ADGRA1: variants seen among roughly 807,000 people sequenced by gnomAD.
ADGRA1 encodes the protein G-protein coupled receptor 123.
In ADGRA1, 12 loss-of-function variants were observed where a neutral mutation model predicts 21.3. The ratio of observed to expected loss-of-function variants is 0.56; its 90% CI spans 0.36 to 0.91. ADGRA1 has a LOEUF of 0.91. Among genes scored for constraint, ADGRA1 ranks in the 40% least tolerant of loss-of-function variants. ADGRA1 has a pLI of 0.01. For synonymous variants in ADGRA1, 385 were observed against 368.8 expected (o/e 1.04, Z -0.50); for missense variants, 790 against 805.6 (o/e 0.98, Z 0.23).
At chr10:133,118,883 C>T (rs1564852296) in intron 5 of ADGRA1, among the ~76,000 whole-genome samples, 2 of 151,668 alleles carry the variant, frequency 1.3e-5, no homozygotes, top group Non-Finnish European at 2.9e-5. Context: ...CACATGCACT[C>T]ATACACTTAC....
chr10:133,112,752 G>A (rs1442475333), intron 5 of ADGRA1, among the ~76,000 whole-genome samples: 11 of 140,230 alleles, frequency 7.8e-5, no homozygotes, highest in Admixed American at 2.8e-4. Flanking sequence ...TGCGGGCCGC[G>A]TCGGTTATTT....
chr10:133,127,929 C>T (rs1428344778), intron 6 of ADGRA1, among the ~76,000 whole-genome samples: 7 of 118,422 alleles, frequency 5.9e-5, no homozygotes, highest in South Asian at 3.3e-4. Flanking sequence ...CCACCCTCTG[C>T]CTGGCCCCTC....
chr10:133,127,572 C>T (rs553019493), intron 6 of ADGRA1, among the ~76,000 whole-genome samples: 2 of 152,240 alleles, frequency 1.3e-5, no homozygotes, highest in South Asian at 4.1e-4. Flanking sequence ...CCTGGTTTGC[C>T]TTCTATGGGA....
intron 5 of ADGRA1, among the ~76,000 whole-genome samples, chr10:133,125,701 T>A (rs1315070472): frequency 6.6e-6 from 1 of 152,194 alleles, no homozygotes; most frequent in Non-Finnish European, 1.5e-5. Flanking sequence ...AGAGCAGGGA[T>A]TACAGGCGTG....
intron 2 of ADGRA1, chr10:133,089,130 C>A (rs545817821): frequency 1.2e-6 from 1 of 815,344 alleles, no homozygotes; most frequent in Non-Finnish European, 1.6e-6. Flanking sequence ...GGGTGCTGAT[C>A]ATACTAATGA....
intron 5 of ADGRA1, among the ~76,000 whole-genome samples, chr10:133,104,746 G>C (rs569699146): frequency 6.6e-6 from 1 of 151,894 alleles, no homozygotes; most frequent in Non-Finnish European, 1.5e-5. Context: ...CCGCCCCCCC[G>C]GTGTCTGGCC....
rs1233119282 is a variant in ADGRA1, at chr10:133,127,866, G to T, written c.501-463G>T. Among the ~76,000 whole-genome samples the T allele has an allele frequency of 6.8e-4, 76 of 111,154 alleles. 1 individual carries two copies. Among genetic ancestry groups the T allele is most frequent in the African/African-American group, 2.5e-3 (66 of 26,568 alleles). 72.9% of individuals were successfully genotyped at this position (111,154 alleles called of 152,430 possible). ...ACCTCCGCCTGGCCCCGCCCACCCA[G>T]CTCCACCTCCGCCTGGCCCCGCCCA... On this transcript the variant is annotated intron_variant, in intron 6 of 6. Transcript: ENST00000392607.
In ADGRA1 at chr10:133,113,307, G is replaced by T. The variant is rs189760258; in HGVS notation, c.401+10465G>T. Among the ~76,000 whole-genome samples, 261 of 152,334 alleles carry T rather than the reference G, an allele frequency of 1.7e-3. 5 individuals are homozygous for T. The highest frequency in any genetic ancestry group is 0.016 in the Admixed American group (242 of 15,290). ...TTCGGTTTGGAAGTCCAATGGCACC[G>T]CGGCACTTAGATTCCGTGTCACGGC... On this transcript the variant is annotated intron_variant, in intron 5 of 6. Coordinates refer to ENST00000392607, the MANE Select transcript of ADGRA1 (RefSeq NM_001083909.3).
chr10:133,130,054 C>A lies in ADGRA1; in HGVS notation c.*543C>A. The A allele has an allele frequency of 6.4e-6, 1 of 156,662 alleles. No individual in the cohort carries two copies. The allele number at this position is 156,662 out of a possible 1,614,324, so 9.7% of individuals were successfully genotyped here. ...GTGGCGGCGGCAGGTCTGTCCCCAG[C>A]ATTCTCGCTCTGGGCAGAACCCTCG... On this transcript the variant is annotated 3_prime_UTR_variant, in exon 7 of 7. Coordinates refer to ENST00000392607, the MANE Select transcript of ADGRA1 (RefSeq NM_001083909.3).
At chr10:133,095,610 A>C in intron 2 of ADGRA1, 2 of 1,562,886 alleles carry the variant, frequency 1.3e-6, no homozygotes, top group South Asian at 1.2e-5. Flanking sequence ...CAGGGGCCCT[A>C]TTTCGGGCTT....
chr10:133,091,673 C>G (rs577554720), intron 2 of ADGRA1, among the ~76,000 whole-genome samples: 2 of 152,320 alleles, frequency 1.3e-5, no homozygotes, highest in African/African-American at 2.4e-5. Context: ...TTTGCTGCAC[C>G]CTGCATGTTC....
chr10:133,108,785 C>A (rs958705057), intron 5 of ADGRA1, among the ~76,000 whole-genome samples: 1 of 152,052 alleles, frequency 6.6e-6, no homozygotes, highest in Admixed American at 6.5e-5. Context: ...TGCATGTGGC[C>A]CCAGCTCCAC....
Position 133,128,933 on chromosome 10 carries a change from G to T in ADGRA1, c.1105G>T (p.Ala369Ser), listed in dbSNP as rs574906696. The T allele has an allele frequency of 1.5e-5, 24 of 1,553,002 alleles. No homozygotes were observed. The East Asian group carries it at 5.6e-4, about 36-fold the overall frequency. The change falls in exon 7 of 7, where the codon GCC becomes TCC. Residue 369 changes from alanine (A) to serine (S), a missense_variant. This residue lies in a region of ADGRA1 where 391 missense variants were observed against 351.5 expected (regional missense o/e 1.11). Transcript: ENST00000392607. ...PGPCKMTNLQ[A>S]AQGHASCLSP... is the part of the protein sequence containing the mutation. ...CCCCTGCAAGATGACCAACCTGCAG[G>T]CCGCGCAGGGCCACGCCAGTTGCCT...
intron 5 of ADGRA1, among the ~76,000 whole-genome samples, chr10:133,104,018 T>C (rs1298434753): frequency 6.6e-6 from 1 of 152,202 alleles, no homozygotes; most frequent in Non-Finnish European, 1.5e-5. Context: ...TCCGGTTGCA[T>C]GGGAGACGTG....
intron 5 of ADGRA1, among the ~76,000 whole-genome samples, chr10:133,112,034 T>TCCCTCCA (rs1564849827): frequency 1.5e-5 from 2 of 131,374 alleles, no homozygotes; most frequent in Non-Finnish European, 3.3e-5. Context: ...TCCCTCCTAA[T>TCCCTCCA]GCCTCCAGAC....
At chr10:133,124,326 A>T (rs1308203121) in intron 5 of ADGRA1, among the ~76,000 whole-genome samples, 1 of 152,080 alleles carries the variant, frequency 6.6e-6, no homozygotes, top group African/African-American at 2.4e-5. Context: ...GCCGTGAGTC[A>T]GCTCCCGCTT....
At chr10:133,122,514 G>C (rs887455564) in intron 5 of ADGRA1, among the ~76,000 whole-genome samples, 3 of 152,224 alleles carry the variant, frequency 2.0e-5, no homozygotes, top group African/African-American at 7.2e-5. Context: ...AGCTCCACCT[G>C]CACCACAGGC....
chr10:133,101,070 A>G (rs755164350), intron 4 of ADGRA1, among the ~76,000 whole-genome samples: 3 of 152,240 alleles, frequency 2.0e-5, no homozygotes, highest in Non-Finnish European at 4.4e-5. Flanking sequence ...CCAGTTCCGC[A>G]TTCCCGCCTC....
chr10:133,127,524 G>C (rs1188859651), intron 6 of ADGRA1, among the ~76,000 whole-genome samples, 193 bp downstream of exon 6: 2 of 152,066 alleles, frequency 1.3e-5, no homozygotes, highest in Admixed American at 6.5e-5. Flanking sequence ...TCCTCTCCCA[G>C]GGAGTCCAAC....
Sources: gnomAD v4.1 joint callset for allele counts (sites outside exome capture counted in the v4.1 genomes callset) on GRCh38, gnomAD v4.1.1 for gene constraint, gnomAD v4.1.1 regional missense constraint, MANE v1.5 for transcripts, NCBI Gene and HGNC (gene_info 2026-07-23, HGNC 2026-07-21) for gene names.